ZNF521: variants seen among roughly 807,000 people sequenced by gnomAD.
ZNF521 encodes the protein LYST-interacting protein 3.
Under a neutral mutation model 105.5 loss-of-function variants are expected in ZNF521, and 14 were observed. The ratio of observed to expected loss-of-function variants is 0.13; its 90% confidence interval spans 0.09 to 0.21. The LOEUF is 0.21. ZNF521 is among the 10% of genes least tolerant of loss of function. ZNF521 has a pLI of 1.00. For synonymous variants in ZNF521, 635 were observed against 606.0 expected (o/e 1.05, Z -0.70); for missense variants, 1,233 against 1,629.7 (o/e 0.76, Z 4.19).
intron 3 of ZNF521, among the ~76,000 whole-genome samples, chr18:25,228,338 AG>A (rs1906310276): frequency 6.6e-6 from 1 of 152,288 alleles, no homozygotes; most frequent in Non-Finnish European, 1.5e-5. Context: ...GTGTAATGAA[AG>A]ATAACCAGGA....
intron 3 of ZNF521, among the ~76,000 whole-genome samples, chr18:25,293,345 T>TAC (rs1491489026): frequency 5.5e-5 from 6 of 109,198 alleles, no homozygotes; most frequent in African/African-American, 1.2e-4. Context: ...CTTGCACATG[T>TAC]ACACATACAC....
At chr18:25,088,141 T>G (rs2033663757) in intron 7 of ZNF521, among the ~76,000 whole-genome samples, 1 of 152,146 alleles carries the variant, frequency 6.6e-6, no homozygotes, top group Admixed American at 6.5e-5. Flanking sequence ...GAAAATTAAC[T>G]GCAACCCTCA....
At chr18:25,233,330 T>C (rs1766416707) in intron 3 of ZNF521, among the ~76,000 whole-genome samples, 1 of 152,104 alleles carries the variant, frequency 6.6e-6, no homozygotes, top group African/African-American at 2.4e-5. Context: ...ATAGCTATCA[T>C]GCTTCTTTTT....
intron 4 of ZNF521, among the ~76,000 whole-genome samples, chr18:25,204,594 C>T (rs560188623): frequency 1.3e-5 from 2 of 152,170 alleles, no homozygotes; most frequent in East Asian, 3.9e-4. Context: ...TAAAGAACAA[C>T]AAATAATCTT....
At chr18:25,199,481 T>C (rs764933819) in intron 4 of ZNF521, among the ~76,000 whole-genome samples, 51 of 152,100 alleles carry the variant, frequency 3.4e-4, no homozygotes, top group Non-Finnish European at 6.8e-4. Context: ...TGTTACCTTT[T>C]TTAGATGTGA....
At chr18:25,178,679 AT>A (rs2035575232) in intron 5 of ZNF521, among the ~76,000 whole-genome samples, 1 of 152,240 alleles carries the variant, frequency 6.6e-6, no homozygotes, top group Admixed American at 6.5e-5. Flanking sequence ...GTCTTTACTT[AT>A]AATGGAAAGA....
At chr18:25,078,711 T>C (rs2033422375) in intron 7 of ZNF521, among the ~76,000 whole-genome samples, 1 of 152,194 alleles carries the variant, frequency 6.6e-6, no homozygotes, top group African/African-American at 2.4e-5. Context: ...GATTTATCTT[T>C]TAAAAGGAGT....
intron 3 of ZNF521, among the ~76,000 whole-genome samples, chr18:25,292,791 A>G (rs1241556240): frequency 6.6e-6 from 1 of 152,218 alleles, no homozygotes; most frequent in Non-Finnish European, 1.5e-5. Flanking sequence ...TGAGGGGATT[A>G]TTTACTAAAG....
At chr18:25,193,772 T>C (rs551910102) in intron 5 of ZNF521, among the ~76,000 whole-genome samples, 1 of 152,140 alleles carries the variant, frequency 6.6e-6, no homozygotes, top group African/African-American at 2.4e-5. Context: ...CATTGAAGGA[T>C]ATACTATTTA....
In ZNF521 at chr18:25,125,544, G is replaced by A. The variant is rs964645176; in HGVS notation, c.3659-33463C>T. On this transcript the variant is annotated intron_variant, in intron 5 of 7. Coordinates refer to ENST00000361524, the MANE Select transcript of ZNF521 (RefSeq NM_015461.3). ...GTGTATATGTGTGTGTGTATGTTGTGTGTATTAAACAAGTTTGATTATGGG... is the reference window on the plus strand; with the variant it reads ...GTGTATATGTGTGTGTGTATGTTGTATGTATTAAACAAGTTTGATTATGGG... Among the ~76,000 whole-genome samples, 14 of 151,934 alleles carry A rather than the reference G, an allele frequency of 9.2e-5. No individual in the cohort carries two copies. In the South Asian group the frequency reaches 1.7e-3, roughly 18 times the overall value.
At chr18:25,206,337 T>C (rs1374320293) in intron 4 of ZNF521, among the ~76,000 whole-genome samples, 1 of 152,170 alleles carries the variant, frequency 6.6e-6, no homozygotes, top group East Asian at 1.9e-4. Flanking sequence ...CTGCAATACA[T>C]AATTAGTTAC....
chr18:25,080,916 A>G (rs1215213933), intron 7 of ZNF521, among the ~76,000 whole-genome samples: 5 of 152,202 alleles, frequency 3.3e-5, no homozygotes, highest in Non-Finnish European at 7.3e-5. Context: ...TGTTTTGGAA[A>G]TTTGGATTTC....
intron 5 of ZNF521, among the ~76,000 whole-genome samples, chr18:25,120,116 C>T (rs188105887): frequency 2.0e-4 from 30 of 152,074 alleles, no homozygotes; most frequent in Admixed American, 5.2e-4. Flanking sequence ...AGAAATTGAA[C>T]TTATTAAAAA....
intron 5 of ZNF521, among the ~76,000 whole-genome samples, chr18:25,098,152 T>G (rs924904211): frequency 9.2e-5 from 14 of 152,134 alleles, no homozygotes; most frequent in African/African-American, 3.4e-4. Flanking sequence ...TATTCTCATG[T>G]AGGAGAAAAC....
At chr18:25,270,663 C>A (rs997685326) in intron 3 of ZNF521, among the ~76,000 whole-genome samples, 1 of 152,066 alleles carries the variant, frequency 6.6e-6, no homozygotes, top group African/African-American at 2.4e-5. Context: ...TAAACAGAAC[C>A]AATGACAAAA....
intron 2 of ZNF521, among the ~76,000 whole-genome samples, chr18:25,348,223 TGA>T (rs980961972): frequency 2.0e-5 from 3 of 152,192 alleles, no homozygotes; most frequent in African/African-American, 7.2e-5. Flanking sequence ...GGCTTTTCTA[TGA>T]TCCAAGTGTG....
At chr18:25,264,456 T>G (rs7233073) in intron 3 of ZNF521, among the ~76,000 whole-genome samples, 126 of 152,342 alleles carry the variant, frequency 8.3e-4, no homozygotes, top group African/African-American at 2.9e-3. Flanking sequence ...ACTGAAATTA[T>G]TTTCACTGGG....
rs763019676 is a variant in ZNF521 at position 25,346,829 on chromosome 18, A to AC, written c.40+4077dup. ...AGGTCCCTGGTATGGGTTTATGAAC[A>AC]CCTGAGGGTTCAGATATCCTAATTG... On this transcript the variant is annotated intron_variant, in intron 2 of 7. Transcript: ENST00000361524. 8.4e-4 allele frequency among the ~76,000 whole-genome samples: 128 copies of AC among 152,084 alleles called. 1 individual carries two copies. The highest frequency in any genetic ancestry group is 3.4e-3 in the Middle Eastern group (1 of 294).
At chr18:25,331,717 C>T (rs958089391) in intron 2 of ZNF521, among the ~76,000 whole-genome samples, 10 of 152,148 alleles carry the variant, frequency 6.6e-5, no homozygotes, top group Non-Finnish European at 7.3e-5. Flanking sequence ...TCAACAATTG[C>T]TGAGGCATTA....
Sources: allele counts gnomAD v4.1 joint callset (sites outside exome capture counted in the v4.1 genomes callset), GRCh38; gene constraint gnomAD v4.1.1; transcripts MANE v1.5; gene names NCBI Gene and HGNC (gene_info 2026-07-23, HGNC 2026-07-21).